The following INA variants were observed in gnomAD, a reference collection of about 807,000 sequenced individuals.
INA encodes internexin neuronal intermediate filament protein alpha, also known as alpha-internexin.
In INA, 35 loss-of-function variants were observed where a neutral mutation model predicts 40.1. The observed-to-expected ratio is 0.87, with a 90% confidence interval of 0.67 to 1.16. INA has a LOEUF of 1.16. Among genes scored for constraint, INA ranks in the 50% most tolerant of loss-of-function variants. INA has a pLI of 0.00. For missense variants in INA, 594 were observed against 686.7 expected (o/e 0.87, Z 1.51); for synonymous variants, 290 against 316.9 (o/e 0.92, Z 0.90).
chr10:103,282,748 A>C (rs2093075397), intron 1 of INA, among the ~76,000 whole-genome samples: 1 of 152,186 alleles, frequency 6.6e-6, no homozygotes. Context: ...TTATTAAAAA[A>C]AAAAATCTGG....
In INA at chr10:103,280,306, C is replaced by G. The variant is rs888306092; in HGVS notation, c.1065+2030C>G. 6 of 985,282 alleles carry G rather than the reference C, an allele frequency of 6.1e-6. No homozygotes were observed. In the African/African-American group the frequency reaches 8.7e-5, roughly 14 times the overall value. The allele number at this position is 985,282 out of a possible 1,614,324, so 61.0% of individuals were successfully genotyped here. On this transcript the variant is annotated intron_variant, in intron 1 of 2. Transcript: ENST00000369849. ...AGGTCAGACAACAGAGAGCTGGTTC[C>G]CTACTCCTTGGGACCTAAGGCTAAG...
chr10:103,288,391 A>G lies in INA; in HGVS notation c.1222A>G (p.Ser408Gly). 1 of 1,606,214 alleles carries G rather than the reference A, an allele frequency of 6.2e-7. No homozygotes were observed. The highest frequency in any genetic ancestry group is 1.1e-5 in the South Asian group (1 of 90,522). ...KLLEGEETRF[S>G]TSGLSISGLN... ...GCTGGAAGGCGAGGAGACACGTTTTAGCACCAGTGGGTTAAGCATTTCGGG... is the reference window on the plus strand; with the variant it reads ...GCTGGAAGGCGAGGAGACACGTTTTGGCACCAGTGGGTTAAGCATTTCGGG... The change falls in exon 3 of 3, where the codon AGC becomes GGC. Residue 408 changes from serine to glycine, a missense_variant. Physicochemically the swap from Ser to Gly is moderately conservative, Grantham distance 56. Transcript: ENST00000369849.
At chr10:103,284,294 C>T (rs890391251) in intron 1 of INA, among the ~76,000 whole-genome samples, 3 of 152,054 alleles carry the variant, frequency 2.0e-5, no homozygotes, top group African/African-American at 7.2e-5. Flanking sequence ...TTCTTGTTAT[C>T]GCAACTGGGA....
rs929031369 is a variant in INA, at chr10:103,277,672, T to G, written c.461T>G (p.Leu154Arg). Reference protein sequence around the residue: ...QRELRDLRAQLEEASSARSQA... With the variant: ...QRELRDLRAQREEASSARSQA... ...GAGCTGCGCGACCTGCGCGCGCAGC[T>G]GGAGGAGGCCAGCTCGGCTCGCTCG... Residue 154 changes from leucine to arginine, a missense_variant, in exon 1 of 3, where the codon CTG (leucine) becomes CGG (arginine). Leu to Arg is a moderately radical substitution (Grantham distance 102). Coordinates refer to ENST00000369849, the MANE Select transcript of INA (RefSeq NM_032727.4). This position sits in a 1 kb window ranked among gnomAD's most constrained non-coding sequence, Gnocchi z 5.6. 2.2e-6 allele frequency: 3 copies of G among 1,382,038 alleles called. No individual in the cohort carries two copies. Among genetic ancestry groups the G allele is most frequent in the African/African-American group, 3.1e-5 (2 of 65,148 alleles). The allele number at this position is 1,382,038 out of a possible 1,614,324, so 85.6% of individuals were successfully genotyped here.
At position 103,288,886 on chromosome 10, in the gene INA, T is replaced by C; in HGVS notation, c.*217T>C. ...CTGGAGCAATCACAGATGAGTTATC[T>C]AAGAATACAGCTTTCTGACCTTCAG... is the stretch of plus-strand genomic sequence containing the variant. On this transcript the variant is annotated 3_prime_UTR_variant, in exon 3 of 3. Transcript: ENST00000369849. The C allele has an allele frequency of 2.6e-6, 1 of 387,148 alleles. No individual in the cohort carries two copies. Among genetic ancestry groups the C allele is most frequent in the Non-Finnish European group, 4.6e-6 (1 of 216,424 alleles). 24.0% of individuals were successfully genotyped at this position (387,148 alleles called of 1,614,324 possible).
chr10:103,284,967 ATATTTTATTTTATTT>A (rs137911103), intron 1 of INA, among the ~76,000 whole-genome samples: 1 of 150,860 alleles, frequency 6.6e-6, no homozygotes, highest in Non-Finnish European at 1.5e-5. Context: ...AGAGGACATT[ATATTTTATTTTATTT>A]TATTTTATTT....
At chr10:103,280,986 C>G in intron 1 of INA, 1 of 931,166 alleles carries the variant, frequency 1.1e-6, no homozygotes, top group Non-Finnish European at 1.3e-6. Flanking sequence ...CTTGAAAGAC[C>G]TTGCTGAATG....
Position 103,285,804 on chromosome 10 carries a change from G to C in INA, c.1066-1231G>C, listed in dbSNP as rs2093084572. On this transcript the variant is annotated intron_variant, in intron 1 of 2. Transcript: ENST00000369849. ...AGCTAATTTTTGTATTTTTAGTAGA[G>C]ACGGAGTTTTGCCATGTTAGCCAGG... Among the ~76,000 whole-genome samples the C allele has an allele frequency of 7.9e-5, 12 of 151,894 alleles. No individual in the cohort carries two copies. The South Asian group carries it at 2.5e-3, about 32-fold the overall frequency.
chr10:103,288,751 C>T lies in INA; in HGVS notation c.*82C>T. The T allele has an allele frequency of 1.3e-6, 1 of 794,814 alleles. No homozygotes were observed. The highest frequency in any genetic ancestry group is 2.0e-6 in the Non-Finnish European group (1 of 497,544). 49.2% of individuals were successfully genotyped at this position (794,814 alleles called of 1,614,324 possible). A position where few individuals can be genotyped will look rare whatever the true frequency, so the allele number is the denominator to read the frequency against. ...TAAACAGCCTATTCCTGAACTATAA[C>T]ACCTGCCACCACTATAAAATGTCTT... On this transcript the variant is annotated 3_prime_UTR_variant, in exon 3 of 3. Transcript: ENST00000369849.
At chr10:103,283,190 T>C (rs540480828) in intron 1 of INA, among the ~76,000 whole-genome samples, 2 of 152,354 alleles carry the variant, frequency 1.3e-5, no homozygotes, top group Admixed American at 1.3e-4. Context: ...AAGTTCCTGA[T>C]GAAATCCTCC....
At position 103,288,323 on chromosome 10, in the gene INA, T is replaced by C. The variant is rs375225300; in HGVS notation, c.1191-37T>C. ...GTTGAGTTCTGGGGGGGAAAAGTTATTGACTTCCTAAGAGTTTTTCTCTGT... is the reference window on the plus strand; with the variant it reads ...GTTGAGTTCTGGGGGGGAAAAGTTACTGACTTCCTAAGAGTTTTTCTCTGT... On this transcript the variant is annotated intron_variant, in intron 2 of 2. Transcript: ENST00000369849. 2.6e-6 allele frequency: 4 copies of C among 1,542,080 alleles called. No individual in the cohort carries two copies. The African/African-American group carries it at 5.5e-5, about 21-fold the overall frequency.
intron 1 of INA, among the ~76,000 whole-genome samples, chr10:103,279,087 T>TCTCTAGGC (rs1357481878): frequency 6.6e-6 from 1 of 152,008 alleles, no homozygotes; most frequent in African/African-American, 2.4e-5. Flanking sequence ...CAGTTATGAA[T>TCTCTAGGC]CTCTAGGCAA....
At chr10:103,284,972 T>A (rs1047582541) in intron 1 of INA, among the ~76,000 whole-genome samples, 6 of 151,690 alleles carry the variant, frequency 4.0e-5, no homozygotes, top group Non-Finnish European at 5.9e-5. Context: ...ACATTATATT[T>A]TATTTTATTT....
chr10:103,289,270 T>C lies in INA; in HGVS notation c.*601T>C, dbSNP rs955254178. On this transcript the variant is annotated 3_prime_UTR_variant, in exon 3 of 3. Coordinates refer to ENST00000369849, the MANE Select transcript of INA (RefSeq NM_032727.4). ...ACATTTTGGTTCTTCTCAAAAGAACTTACCCCCATTCGCGCTCTGCTCAGT... is the reference window on the plus strand; with the variant it reads ...ACATTTTGGTTCTTCTCAAAAGAACCTACCCCCATTCGCGCTCTGCTCAGT... 3 of 152,704 alleles carry C rather than the reference T, an allele frequency of 2.0e-5. No homozygotes were observed. Among genetic ancestry groups the C allele is most frequent in the African/African-American group, 7.2e-5 (3 of 41,470 alleles). The allele number at this position is 152,704 out of a possible 1,614,324, so 9.5% of individuals were successfully genotyped here.
Position 103,277,390 on chromosome 10 carries a change from T to C in INA, c.179T>C (p.Leu60Pro). The C allele has an allele frequency of 1.3e-6, 2 of 1,552,940 alleles. No homozygotes were observed. The highest frequency in any genetic ancestry group is 2.5e-5 in the East Asian group (1 of 39,632). Reference sequence around the variant, plus strand: ...GCCGCCTGCTCCTCGGCCTCGTCGCTCGGCCTCGGCCTGGCCTATCGCCGG... The same window carrying C: ...GCCGCCTGCTCCTCGGCCTCGTCGCCCGGCCTCGGCCTGGCCTATCGCCGG... ...SSAACSSASS[L>P]GLGLAYRRPP... Residue 60 changes from leucine to proline, a missense_variant, in exon 1 of 3, where the codon CTC becomes CCC. Leu to Pro is a moderately conservative substitution (Grantham distance 98, BLOSUM62 -3). This residue lies in a region of INA where 215 missense variants were observed against 190.6 expected (regional missense o/e 1.13). Transcript: ENST00000369849. The surrounding 1 kb of genome is among the most constrained non-coding windows in gnomAD (Gnocchi z 5.6).
At position 103,288,498 on chromosome 10, in the gene INA, G is replaced by C. The variant is rs112815674; in HGVS notation, c.1329G>C (p.Gly443=). Residue 443 remains glycine, a synonymous_variant, in exon 3 of 3, where the codon GGG becomes GGC. Coordinates refer to ENST00000369849, the MANE Select transcript of INA (RefSeq NM_032727.4). ...SATTSKVSST[G]LSLKKEEEEE... ...CAACCTCCAAAGTCTCATCCACTGG[G>C]CTATCACTTAAGAAAGAGGAGGAGG... The C allele has an allele frequency of 1.5e-5, 24 of 1,613,808 alleles. No homozygotes were observed. The highest frequency in any genetic ancestry group is 3.3e-4 in the Middle Eastern group (2 of 6,062).
chr10:103,280,338 C>T, intron 1 of INA: 3 of 985,428 alleles, frequency 3.0e-6, no homozygotes, highest in Non-Finnish European at 3.6e-6. Flanking sequence ...TAAGGTGGAG[C>T]TCAAGTCTTA....
chr10:103,279,930 T>G (rs2133532650), intron 1 of INA: 1 of 1,289,492 alleles, frequency 7.8e-7, no homozygotes, highest in East Asian at 5.5e-5. Context: ...AGACTTCATT[T>G]TTTTCTTCTA....
At chr10:103,280,064 G>A in intron 1 of INA, 2 of 1,246,904 alleles carry the variant, frequency 1.6e-6, no homozygotes, top group Non-Finnish European at 2.1e-6. Context: ...GCTTGTTATA[G>A]CCCATACATT....
Sources: gnomAD v4.1 joint callset for allele counts (sites outside exome capture counted in the v4.1 genomes callset) on GRCh38, gnomAD v4.1.1 for gene constraint, gnomAD v4.1.1 regional missense constraint, Gnocchi (gnomAD v3.1) non-coding constraint, MANE v1.5 for transcripts, NCBI Gene and HGNC (gene_info 2026-07-23, HGNC 2026-07-21) for gene names.